The following SH2D4A variants were observed in gnomAD, a reference collection of about 807,000 sequenced individuals.
SH2D4A encodes SH2 domain-containing protein 4A.
A neutral mutation model predicts 64.7 loss-of-function variants in SH2D4A; 70 were observed. That is an observed-to-expected ratio of 1.08 (90% CI 0.89 to 1.32). The LOEUF is 1.32. Ranked by LOEUF, SH2D4A falls within the 40% of genes most tolerant of loss-of-function variation. The probability of loss-of-function intolerance (pLI) is 0.00; values close to 1 mark genes in which losing one functional copy is unlikely to be tolerated. For synonymous variants in SH2D4A, 268 were observed against 200.7 expected (o/e 1.34, Z -2.83); for missense variants, 706 against 540.1 (o/e 1.31, Z -3.04).
At chr8:19,360,127 T>C (rs890782769) in intron 5 of SH2D4A, among the ~76,000 whole-genome samples, 1 of 152,214 alleles carries the variant, frequency 6.6e-6, no homozygotes, top group African/African-American at 2.4e-5. Context: ...TTCCGTTGAA[T>C]GCTCTTAATG....
chr8:19,344,838 C>G (rs1223809063), intron 4 of SH2D4A, among the ~76,000 whole-genome samples: 3 of 152,116 alleles, frequency 2.0e-5, no homozygotes, highest in Non-Finnish European at 2.9e-5. Flanking sequence ...TATAATGCCT[C>G]CCAGCAAGGT....
At chr8:19,313,924 G>A (rs1585135869) in intron 1 of SH2D4A, 101 bp downstream of exon 1, 3 of 1,308,374 alleles carry the variant, frequency 2.3e-6, no homozygotes, top group East Asian at 3.1e-5. Context: ...CATGGGAGGC[G>A]CAGGGGCCAG....
intron 6 of SH2D4A, among the ~76,000 whole-genome samples, chr8:19,362,894 A>G (rs1030670105): frequency 1.3e-5 from 2 of 152,152 alleles, no homozygotes; most frequent in African/African-American, 4.8e-5. Flanking sequence ...TACAAAGTCA[A>G]CATCAGTGTG....
rs562343649 is a variant in SH2D4A at position 19,322,819 on chromosome 8, C to T, written c.181+3091C>T. 7.6e-4 allele frequency among the ~76,000 whole-genome samples: 116 copies of T among 151,966 alleles called. 1 individual carries two copies. Among genetic ancestry groups the T allele is most frequent in the African/African-American group, 2.7e-3 (111 of 41,446 alleles). ...CTGAGTGACTAGCTGGGATTATAAG[C>T]ACCTGCTACCATGCCCAGCTAATTT... On this transcript the variant is annotated intron_variant, in intron 2 of 9. Coordinates refer to ENST00000265807, the MANE Select transcript of SH2D4A (RefSeq NM_022071.4).
rs546409566 is a variant in SH2D4A at position 19,364,052 on chromosome 8, C to A, written c.707-20C>A. 5.0e-6 allele frequency: 8 copies of A among 1,612,916 alleles called. No individual in the cohort carries two copies. In the South Asian group the frequency reaches 6.6e-5, roughly 13 times the overall value. On this transcript the variant is annotated intron_variant, in intron 6 of 9. Transcript: ENST00000265807. ...TCTGTGGGCTGATGAGGGTTTTCTC[C>A]GACCCCGTTGTTTTTCCAGTGCGAA...
chr8:19,394,872 C>T lies in SH2D4A; in HGVS notation c.*230C>T, dbSNP rs2053561184. The T allele has an allele frequency of 5.3e-6, 2 of 374,236 alleles. No homozygotes were observed. Among genetic ancestry groups the T allele is most frequent in the East Asian group, 8.3e-5 (2 of 24,038 alleles). 23.2% of individuals were successfully genotyped at this position (374,236 alleles called of 1,614,324 possible). A position where few individuals can be genotyped will look rare whatever the true frequency, so the allele number is the denominator to read the frequency against. The stretch of plus-strand genomic sequence containing the variant: ...TCAAAAGGGAGAAGAGTCTCAATTT[C>T]AGCAAGTACCTGTCATGAAGGGTAT... On this transcript the variant is annotated 3_prime_UTR_variant, in exon 10 of 10. Coordinates refer to ENST00000265807, the MANE Select transcript of SH2D4A (RefSeq NM_022071.4).
At chr8:19,368,747 G>A (rs1220739829) in intron 7 of SH2D4A, among the ~76,000 whole-genome samples, 1 of 151,542 alleles carries the variant, frequency 6.6e-6, no homozygotes, top group Non-Finnish European at 1.5e-5. Flanking sequence ...CAGCTTCTAG[G>A]GTTTTCTGTA....
intron 8 of SH2D4A, among the ~76,000 whole-genome samples, chr8:19,389,269 C>T (rs543382906): frequency 6.6e-6 from 1 of 152,150 alleles, no homozygotes; most frequent in Non-Finnish European, 1.5e-5. Context: ...GTCTGTTTAC[C>T]ATCTCCTATG....
At chr8:19,389,477 C>G (rs529956182) in intron 8 of SH2D4A, among the ~76,000 whole-genome samples, 1 of 152,142 alleles carries the variant, frequency 6.6e-6, no homozygotes, top group African/African-American at 2.4e-5. Context: ...GGGACCTCCT[C>G]CAGCTGCGAC....
At chr8:19,340,601 C>CTTTTTTTTTTTTTTTTT (rs535915285) in intron 4 of SH2D4A, among the ~76,000 whole-genome samples, 7 of 100,528 alleles carry the variant, frequency 7.0e-5, no homozygotes, top group East Asian at 2.8e-4. Flanking sequence ...TTCTTTCTTT[C>CTTTTTTTTTTTTTTTTT]TTTTTTTTTT....
At chr8:19,321,419 G>T (rs1014829144) in intron 2 of SH2D4A, among the ~76,000 whole-genome samples, 5 of 152,120 alleles carry the variant, frequency 3.3e-5, no homozygotes, top group Non-Finnish European at 7.4e-5. Context: ...TCTCCATGTT[G>T]GCCAGGCTGG....
chr8:19,386,589 C>T (rs2053396515), intron 8 of SH2D4A, among the ~76,000 whole-genome samples: 1 of 152,114 alleles, frequency 6.6e-6, no homozygotes. Context: ...AGTTCCCTGT[C>T]CTGCTCTTGG....
At position 19,320,623 on chromosome 8, in the gene SH2D4A, C is replaced by CAAA. The variant is rs57328086; in HGVS notation, c.181+916_181+918dup. ...TGGGTGACAGAGTGAGACTGTGTGT[C>CAAA]AAAAAAAAAAAAAAAAAAAAAAAGA... On this transcript the variant is annotated intron_variant, in intron 2 of 9. Coordinates refer to ENST00000265807, the MANE Select transcript of SH2D4A (RefSeq NM_022071.4). Among the ~76,000 whole-genome samples, 57 of 68,798 alleles carry CAAA rather than the reference C, an allele frequency of 8.3e-4. 1 individual carries two copies. The highest frequency in any genetic ancestry group is 4.4e-3 in the East Asian group (8 of 1,814). The allele number at this position is 68,798 out of a possible 152,430, so 45.1% of individuals were successfully genotyped here. A position where few individuals can be genotyped will look rare whatever the true frequency, so the allele number is the denominator to read the frequency against.
intron 7 of SH2D4A, among the ~76,000 whole-genome samples, chr8:19,369,768 T>C (rs1279928170): frequency 6.6e-6 from 1 of 152,028 alleles, no homozygotes; most frequent in African/African-American, 2.4e-5. Flanking sequence ...TTAAAACCAC[T>C]CTTCATTTCA....
rs147690896 is a variant in SH2D4A at position 19,325,879 on chromosome 8, A to G, written c.181+6151A>G. Among the ~76,000 whole-genome samples, 45 of 152,362 alleles carry G rather than the reference A, an allele frequency of 3.0e-4. No individual in the cohort carries two copies. In the East Asian group the frequency reaches 5.0e-3, roughly 17 times the overall value. On this transcript the variant is annotated intron_variant, in intron 2 of 9. Transcript: ENST00000265807. ...ATCATTTCAGGAAGTTCTGATAGAA[A>G]TGGGCCTTGGCCTTCATTAAAATGA...
Position 19,394,675 on chromosome 8 carries a change from A to G in SH2D4A, c.*33A>G. The G allele has an allele frequency of 1.9e-6, 3 of 1,552,090 alleles. No individual in the cohort carries two copies. The South Asian group carries it at 3.6e-5, about 18-fold the overall frequency. On this transcript the variant is annotated 3_prime_UTR_variant, in exon 10 of 10. Coordinates refer to ENST00000265807, the MANE Select transcript of SH2D4A (RefSeq NM_022071.4). ...CATCAGGGTCATCCTACAGCCTCCA[A>G]GCGGGCTTTCCCCTGGACAAATGCC...
intron 8 of SH2D4A, among the ~76,000 whole-genome samples, chr8:19,380,237 T>C (rs1173752048): frequency 6.6e-6 from 1 of 152,242 alleles, no homozygotes; most frequent in Non-Finnish European, 1.5e-5. Context: ...TGTTGAATTA[T>C]GAGAGTTTTC....
rs562064014 is a variant in SH2D4A, at chr8:19,331,961, C to T, written c.182-994C>T. Among the ~76,000 whole-genome samples, 13 of 152,236 alleles carry T rather than the reference C, an allele frequency of 8.5e-5. No homozygotes were observed. The South Asian group carries it at 2.5e-3, about 29-fold the overall frequency. ...TTGAAGCCAGAAGTTTGAGACCAGC[C>T]TGGGCAACAAAGCAAAGCCCTGTCT... On this transcript the variant is annotated intron_variant, in intron 2 of 9. Transcript: ENST00000265807.
chr8:19,376,706 C>A (rs1308876625), intron 8 of SH2D4A, among the ~76,000 whole-genome samples: 1 of 152,118 alleles, frequency 6.6e-6, no homozygotes, highest in Non-Finnish European at 1.5e-5. Flanking sequence ...GACCAAATAT[C>A]TGGGACCATG....
Sources: allele counts gnomAD v4.1 joint callset (sites outside exome capture counted in the v4.1 genomes callset), GRCh38; gene constraint gnomAD v4.1.1; transcripts MANE v1.5; gene names NCBI Gene and HGNC (gene_info 2026-07-23, HGNC 2026-07-21).